The following EYA4 variants were observed in gnomAD, a reference collection of about 807,000 sequenced individuals.
EYA4 encodes EYA transcriptional coactivator and phosphatase 4, also known as protein phosphatase EYA4.
Under a neutral mutation model 87.9 loss-of-function variants are expected in EYA4, and 31 were observed. The observed-to-expected ratio is 0.35, with a 90% CI of 0.27 to 0.48. The LOEUF is 0.48. Ranked by LOEUF, EYA4 falls within the 20% of genes least tolerant of loss-of-function variation. The pLI is 0.99. For missense variants in EYA4, 678 were observed against 761.4 expected (o/e 0.89, Z 1.29); for synonymous variants, 263 against 270.6 (o/e 0.97, Z 0.28).
chr6:133,358,880 A>C (rs77755603), intron 2 of EYA4, among the ~76,000 whole-genome samples: 3,189 of 152,262 alleles, frequency 0.021, 112 homozygotes, highest in African/African-American at 0.073. Context: ...GAGGGGAAAA[A>C]CTACTGTAGG....
At chr6:133,503,889 A>C (rs1169161294) in intron 13 of EYA4, among the ~76,000 whole-genome samples, 1 of 152,110 alleles carries the variant, frequency 6.6e-6, no homozygotes, top group African/African-American at 2.4e-5. Flanking sequence ...TGAGCTCTGA[A>C]ACCCCTTGAG....
At chr6:133,386,342 A>G (rs966067299) in intron 3 of EYA4, among the ~76,000 whole-genome samples, 2 of 152,206 alleles carry the variant, frequency 1.3e-5, no homozygotes, top group South Asian at 4.1e-4. Context: ...AATGAATTTT[A>G]CAGCAGAAGT....
chr6:133,506,586 G>A (rs1798647627), intron 14 of EYA4, among the ~76,000 whole-genome samples: 1 of 152,138 alleles, frequency 6.6e-6, no homozygotes, highest in South Asian at 2.1e-4. Flanking sequence ...AATTAATTTT[G>A]TGGATAATCT....
At chr6:133,522,354 A>G (rs1414079758) in intron 17 of EYA4, among the ~76,000 whole-genome samples, 1 of 151,758 alleles carries the variant, frequency 6.6e-6, no homozygotes, top group Non-Finnish European at 1.5e-5. Context: ...ATACATGTAT[A>G]AAACTACTCT....
rs184351951 is a variant in EYA4 at position 133,449,744 on chromosome 6, T to G, written c.277+1565T>G. ...ATAATGTATATAAATTGCTTAACAA[T>G]AAATATCAGTATGTCTTCCTTTCTT... On this transcript the variant is annotated intron_variant, in intron 5 of 19. Transcript: ENST00000355286. 1.5e-4 allele frequency among the ~76,000 whole-genome samples: 23 copies of G among 152,320 alleles called. No homozygotes were observed. In the East Asian group the frequency reaches 3.7e-3, roughly 24 times the overall value.
At chr6:133,370,311 G>A (rs957705466) in intron 2 of EYA4, among the ~76,000 whole-genome samples, 1 of 152,178 alleles carries the variant, frequency 6.6e-6, no homozygotes, top group Non-Finnish European at 1.5e-5. Context: ...TTTGGTTGAA[G>A]CGTTATCATT....
At chr6:133,361,525 C>T (rs2128446969) in intron 2 of EYA4, among the ~76,000 whole-genome samples, 1 of 152,196 alleles carries the variant, frequency 6.6e-6, no homozygotes, top group Non-Finnish European at 1.5e-5. Flanking sequence ...GTGTATCCTG[C>T]CAGCATCTGT....
chr6:133,364,506 T>G (rs965120805), intron 2 of EYA4, among the ~76,000 whole-genome samples: 23 of 152,168 alleles, frequency 1.5e-4, no homozygotes, highest in Non-Finnish European at 3.2e-4. Context: ...ATCACAGACT[T>G]GGGGCTCCTG....
intron 2 of EYA4, among the ~76,000 whole-genome samples, chr6:133,284,775 G>A (rs79234622): frequency 0.018 from 2,677 of 152,208 alleles, 36 homozygotes; most frequent in South Asian, 0.06. Context: ...TTTGAAGCAT[G>A]GTTTTCATTG....
chr6:133,361,460 T>C (rs1315358953), intron 2 of EYA4, among the ~76,000 whole-genome samples: 1 of 152,142 alleles, frequency 6.6e-6, no homozygotes, highest in African/African-American at 2.4e-5. Context: ...GCTTCCTTTA[T>C]TGGAAGTAAT....
Position 133,478,425 on chromosome 6 carries a change from A to G in EYA4, c.971-3038A>G, listed in dbSNP as rs557610421. On this transcript the variant is annotated intron_variant, in intron 11 of 19. Transcript: ENST00000355286. The stretch of plus-strand genomic sequence containing the variant: ...ACCCAAATGTCCATCAACAGAATGG[A>G]TACAGTGTAATAGATACAGTGTAAT... Among the ~76,000 whole-genome samples, 3 of 146,956 alleles carry G rather than the reference A, an allele frequency of 2.0e-5. No homozygotes were observed. The South Asian group carries it at 6.4e-4, about 31-fold the overall frequency.
chr6:133,291,923 C>G (rs1455077938), intron 2 of EYA4, among the ~76,000 whole-genome samples: 1 of 145,792 alleles, frequency 6.9e-6, no homozygotes, highest in African/African-American at 2.6e-5. Context: ...TGGCTGGGAT[C>G]CCAGCTAGAC....
Position 133,446,623 on chromosome 6 carries a change from C to T in EYA4, c.84-7C>T. On this transcript the variant is annotated splice_region_variant and splice_polypyrimidine_tract_variant and intron_variant, in intron 3 of 19. Coordinates refer to ENST00000355286, the MANE Select transcript of EYA4 (RefSeq NM_004100.5). Reference sequence around the variant, plus strand: ...CAACTTTTCTCTGCTGCTTACTGCTCTACCAGGTCTATGGAAATGCAGGAC... The same window carrying T: ...CAACTTTTCTCTGCTGCTTACTGCTTTACCAGGTCTATGGAAATGCAGGAC... 6.2e-7 allele frequency: 1 copy of T among 1,613,854 alleles called. No individual in the cohort carries two copies. The highest frequency in any genetic ancestry group is 8.5e-7 in the Non-Finnish European group (1 of 1,179,878).
In EYA4 at chr6:133,274,800, TA is replaced by T; in HGVS notation, c.23del (p.Asn8MetfsTer5). On this transcript the variant is annotated frameshift_variant, in exon 2 of 20. Coordinates refer to ENST00000355286, the MANE Select transcript of EYA4 (RefSeq NM_004100.5). LOFTEE classifies it high-confidence loss of function. ...AACCACATGGAAGACTCCCAGGATT[TA>T]AATGAACAATCAGTAAGTCTTCATT... MEDSQD[L>X]NEQSVKKTCT... 2 of 1,613,724 alleles carry T rather than the reference TA, an allele frequency of 1.2e-6. No individual in the cohort carries two copies. Among genetic ancestry groups the T allele is most frequent in the Non-Finnish European group, 1.7e-6 (2 of 1,179,740 alleles).
intron 1 of EYA4, among the ~76,000 whole-genome samples, chr6:133,257,370 G>A (rs954389631): frequency 1.3e-5 from 2 of 152,148 alleles, no homozygotes; most frequent in African/African-American, 4.8e-5. Context: ...GGCCTGTGAT[G>A]ATAACACTTC....
chr6:133,384,551 T>C (rs1365689000), intron 3 of EYA4, among the ~76,000 whole-genome samples: 1 of 152,170 alleles, frequency 6.6e-6, no homozygotes, highest in Non-Finnish European at 1.5e-5. Flanking sequence ...TTTCTTAAAA[T>C]GTGAGATGGA....
At chr6:133,355,736 T>G (rs1783968009) in intron 2 of EYA4, among the ~76,000 whole-genome samples, 1 of 152,204 alleles carries the variant, frequency 6.6e-6, no homozygotes, top group Non-Finnish European at 1.5e-5. Flanking sequence ...GAAAAATCAT[T>G]TTTATGTTAT....
chr6:133,321,140 G>T (rs1384409850), intron 2 of EYA4, among the ~76,000 whole-genome samples: 1 of 152,064 alleles, frequency 6.6e-6, no homozygotes, highest in Non-Finnish European at 1.5e-5. Flanking sequence ...TCTGTCGGTT[G>T]GTCCTTTGTT....
intron 1 of EYA4, among the ~76,000 whole-genome samples, chr6:133,256,201 A>G (rs1384924040): frequency 4.0e-5 from 6 of 150,998 alleles, no homozygotes; most frequent in Admixed American, 2.0e-4. Context: ...TATATTTAAT[A>G]TATACATATA....
Sources: allele counts gnomAD v4.1 joint callset (sites outside exome capture counted in the v4.1 genomes callset), GRCh38; gene constraint gnomAD v4.1.1; transcripts MANE v1.5; gene names NCBI Gene and HGNC (gene_info 2026-07-23, HGNC 2026-07-21).